The following FAM184A variants were observed in gnomAD, a reference collection of about 807,000 sequenced individuals.
FAM184A encodes the protein protein FAM184A.
In FAM184A, 99 loss-of-function variants were observed where a neutral mutation model predicts 143.8. The observed-to-expected ratio is 0.69, with a 90% CI of 0.58 to 0.81. The LOEUF is 0.81. Ranked by LOEUF, FAM184A falls within the 40% of genes least tolerant of loss-of-function variation. The probability of loss-of-function intolerance (pLI) is 0.00; values close to 1 mark genes in which losing one functional copy is unlikely to be tolerated. For missense variants in FAM184A, 1,217 were observed against 1,310.5 expected (o/e 0.93, Z 1.10); for synonymous variants, 427 against 446.4 (o/e 0.96, Z 0.55).
chr6:119,114,866 G>T (rs1789017692), intron 1 of FAM184A, among the ~76,000 whole-genome samples: 2 of 151,536 alleles, frequency 1.3e-5, no homozygotes, highest in African/African-American at 4.8e-5. Flanking sequence ...CGTTTATTTT[G>T]TATATTGAGA....
intron 17 of FAM184A, chr6:118,960,739 G>T: frequency 8.4e-7 from 1 of 1,191,204 alleles, no homozygotes; most frequent in Non-Finnish European, 1.2e-6. Context: ...AGATTCTTTG[G>T]GCTACTTAAG....
At chr6:119,079,794 C>T (rs1788007214), upstream of FAM184A, among the ~76,000 whole-genome samples, 1 of 152,102 alleles carries the variant, frequency 6.6e-6, no homozygotes, top group South Asian at 2.1e-4. Context: ...AACATCTAAA[C>T]AAGGTGAAGG....
intron 1 of FAM184A, among the ~76,000 whole-genome samples, chr6:119,108,776 A>C (rs1788856414): frequency 6.6e-6 from 1 of 152,118 alleles, no homozygotes; most frequent in Admixed American, 6.5e-5. Context: ...GGTACCTGGG[A>C]TGCTCCTGGG....
At chr6:119,097,545 A>G (rs1173380936) in intron 1 of FAM184A, among the ~76,000 whole-genome samples, 2 of 152,206 alleles carry the variant, frequency 1.3e-5, no homozygotes, top group Admixed American at 6.5e-5. Context: ...TTATATATAT[A>G]TAAGTCTTTT....
At chr6:119,133,622 G>C (rs1237517778) in intron 1 of FAM184A, among the ~76,000 whole-genome samples, 1 of 151,986 alleles carries the variant, frequency 6.6e-6, no homozygotes, top group African/African-American at 2.4e-5. Context: ...CCCAAGAAAT[G>C]GGTGTGATGT....
rs1785381893 is a variant in FAM184A at position 119,019,837 on chromosome 6, A to G, written c.1332+141T>C. 4.2e-6 allele frequency: 3 copies of G among 713,374 alleles called. No individual in the cohort carries two copies. In the Admixed American group the frequency reaches 1.1e-4, roughly 26 times the overall value. The allele number at this position is 713,374 out of a possible 1,614,324, so 44.2% of individuals were successfully genotyped here. ...AGTCTAGCTATATACCCATTTCCTC[A>G]AAATTAGAACCAAAAATAACTACTA... On this transcript the variant is annotated intron_variant, in intron 4 of 17. Coordinates refer to ENST00000338891, the MANE Select transcript of FAM184A (RefSeq NM_024581.6).
At chr6:118,983,612 A>G (rs903933376) in intron 9 of FAM184A, among the ~76,000 whole-genome samples, 1 of 152,120 alleles carries the variant, frequency 6.6e-6, no homozygotes, top group Non-Finnish European at 1.5e-5. Context: ...ATTTTATTTC[A>G]GAAAATAATT....
chr6:119,148,413 T>G (rs1772528239), intron 1 of FAM184A, among the ~76,000 whole-genome samples: 1 of 152,206 alleles, frequency 6.6e-6, no homozygotes, highest in African/African-American at 2.4e-5. Context: ...AAGTGTTGCG[T>G]ATGAACCCAA....
intron 1 of FAM184A, among the ~76,000 whole-genome samples, chr6:119,041,099 C>T (rs1253089364): frequency 1.3e-5 from 2 of 152,110 alleles, no homozygotes; most frequent in Admixed American, 1.3e-4. Flanking sequence ...AGAATTCCAG[C>T]CCCTGTAGCA....
chr6:119,031,861 G>A lies in FAM184A; in HGVS notation c.160-7048C>T, dbSNP rs140849072. Among the ~76,000 whole-genome samples, 115 of 152,248 alleles carry A rather than the reference G, an allele frequency of 7.6e-4. 1 individual carries two copies. The highest frequency in any genetic ancestry group is 2.6e-3 in the African/African-American group (109 of 41,554). On this transcript the variant is annotated intron_variant, in intron 1 of 17. Coordinates refer to ENST00000338891, the MANE Select transcript of FAM184A (RefSeq NM_024581.6). The stretch of plus-strand genomic sequence containing the variant: ...CATCAAAAGCACATTTCATTTGGAA[G>A]AGTATTTCACAATATAAGAAAAAAT...
chr6:119,050,811 CAA>C (rs1239635141), intron 1 of FAM184A, among the ~76,000 whole-genome samples: 20 of 74,946 alleles, frequency 2.7e-4, no homozygotes, highest in Admixed American at 4.6e-4. Flanking sequence ...GACTCCGTCT[CAA>C]AAAAAAAAAA....
chr6:119,021,117 G>C (rs902370166), intron 3 of FAM184A, among the ~76,000 whole-genome samples: 2 of 152,164 alleles, frequency 1.3e-5, no homozygotes, highest in Admixed American at 6.5e-5. Context: ...ACCTAAAAGT[G>C]AATCAGAAAC....
At chr6:119,036,238 G>A (rs1786108998) in intron 1 of FAM184A, among the ~76,000 whole-genome samples, 3 of 151,228 alleles carry the variant, frequency 2.0e-5, no homozygotes, top group East Asian at 1.9e-4. Flanking sequence ...AACTAGAAAG[G>A]AAAATCAAAA....
intron 1 of FAM184A, among the ~76,000 whole-genome samples, chr6:119,026,476 A>G (rs574462955): frequency 6.6e-6 from 1 of 152,178 alleles, no homozygotes; most frequent in Non-Finnish European, 1.5e-5. Flanking sequence ...TGTACCAAAA[A>G]TATAATTCTA....
At chr6:118,960,319 T>C (rs1320721393) in intron 17 of FAM184A, 135 bp from the exon 18 acceptor site, 28 of 650,636 alleles carry the variant, frequency 4.3e-5, no homozygotes, top group Admixed American at 8.3e-5. Context: ...AAAGATTTGC[T>C]ACCCCCTCTA....
chr6:119,097,369 C>G (rs1788533950), intron 1 of FAM184A, among the ~76,000 whole-genome samples: 2 of 152,122 alleles, frequency 1.3e-5, no homozygotes, highest in South Asian at 4.2e-4. Context: ...AAATGTGAAC[C>G]ATCACAAACA....
chr6:119,119,473 G>T (rs952404389), intron 1 of FAM184A, among the ~76,000 whole-genome samples: 1 of 152,066 alleles, frequency 6.6e-6, no homozygotes, highest in Non-Finnish European at 1.5e-5. Context: ...TTCTCAAACC[G>T]GCCAGTGCTT....
At chr6:119,097,525 A>C (rs796918877) in intron 1 of FAM184A, among the ~76,000 whole-genome samples, 1 of 152,222 alleles carries the variant, frequency 6.6e-6, no homozygotes. Flanking sequence ...ATACTATTTT[A>C]CATATACATT....
At chr6:119,046,989 G>C (rs1786560126) in intron 1 of FAM184A, among the ~76,000 whole-genome samples, 1 of 151,938 alleles carries the variant, frequency 6.6e-6, no homozygotes, top group Non-Finnish European at 1.5e-5. Context: ...TCTGACAAGG[G>C]ATTAATAACC....
Sources: gnomAD v4.1 joint callset for allele counts (sites outside exome capture counted in the v4.1 genomes callset) on GRCh38, gnomAD v4.1.1 for gene constraint, MANE v1.5 for transcripts, NCBI Gene and HGNC (gene_info 2026-07-23, HGNC 2026-07-21) for gene names.